The following CEP112 variants were observed in gnomAD, a reference collection of about 807,000 sequenced individuals.
CEP112 encodes centrosomal protein of 112 kDa.
A neutral mutation model predicts 153.0 loss-of-function variants in CEP112; 127 were observed. The observed-to-expected ratio is 0.83, with a 90% CI of 0.72 to 0.96. CEP112 has a LOEUF of 0.96. CEP112 is among the 40% of genes least tolerant of loss of function. The pLI is 0.00. For synonymous variants in CEP112, 358 were observed against 374.4 expected (o/e 0.96, Z 0.51); for missense variants, 1,089 against 1,101.2 (o/e 0.99, Z 0.16).
intron 16 of CEP112, among the ~76,000 whole-genome samples, chr17:66,010,287 A>G (rs1399962720): frequency 6.6e-6 from 1 of 152,114 alleles, no homozygotes; most frequent in Non-Finnish European, 1.5e-5. Context: ...TAAGAATGCT[A>G]GTGATTTTTG....
chr17:65,885,106 C>A (rs984681475), intron 20 of CEP112, among the ~76,000 whole-genome samples: 3 of 152,086 alleles, frequency 2.0e-5, no homozygotes, highest in African/African-American at 7.2e-5. Flanking sequence ...TGGTACCTAA[C>A]CTCCCAAGTA....
At chr17:66,088,263 A>G (rs1284863227) in intron 8 of CEP112, among the ~76,000 whole-genome samples, 3 of 151,804 alleles carry the variant, frequency 2.0e-5, no homozygotes, top group Non-Finnish European at 4.4e-5. Context: ...AATTTGGCAC[A>G]ATGCAAGATC....
intron 12 of CEP112, among the ~76,000 whole-genome samples, chr17:66,041,872 C>G (rs533535646): frequency 1.3e-5 from 2 of 152,172 alleles, no homozygotes; most frequent in East Asian, 3.9e-4. Context: ...TATAGATACC[C>G]CACCCTCAAG....
intron 19 of CEP112, among the ~76,000 whole-genome samples, chr17:65,914,858 C>G (rs2060416218): frequency 1.3e-5 from 2 of 152,212 alleles, no homozygotes; most frequent in Non-Finnish European, 2.9e-5. Flanking sequence ...CGGCTGCTCA[C>G]AACGCATTGT....
intron 24 of CEP112, among the ~76,000 whole-genome samples, chr17:65,660,343 T>TCC: frequency 1.1e-5 from 1 of 94,586 alleles, no homozygotes; most frequent in African/African-American, 5.1e-5. Flanking sequence ...TCTTTCTTTT[T>TCC]CTCTCTCGTT....
At chr17:66,027,593 T>G in intron 15 of CEP112, 33 bp from the exon 16 acceptor site, 1 of 1,189,898 alleles carries the variant, frequency 8.4e-7, no homozygotes, top group Non-Finnish European at 1.1e-6. Context: ...TTTATTATAC[T>G]TTAAATTATA....
At chr17:66,122,474 T>G (rs1176504197) in intron 6 of CEP112, among the ~76,000 whole-genome samples, 1 of 152,196 alleles carries the variant, frequency 6.6e-6, no homozygotes, top group East Asian at 1.9e-4. Flanking sequence ...TTTATTTGAT[T>G]AGTGGCTTGG....
intron 24 of CEP112, among the ~76,000 whole-genome samples, chr17:65,683,226 G>T (rs2047615599): frequency 6.6e-6 from 1 of 152,208 alleles, no homozygotes; most frequent in African/African-American, 2.4e-5. Context: ...GGTCACTAGT[G>T]TCTCTCCTAA....
intron 23 of CEP112, among the ~76,000 whole-genome samples, chr17:65,724,612 G>C (rs2050074717): frequency 6.6e-6 from 1 of 151,944 alleles, no homozygotes; most frequent in African/African-American, 2.4e-5. Context: ...TCTTTTTCTA[G>C]AAATGTTTAC....
chr17:65,836,545 A>G (rs1462473625), intron 21 of CEP112, among the ~76,000 whole-genome samples: 1 of 152,206 alleles, frequency 6.6e-6, no homozygotes, highest in South Asian at 2.1e-4. Flanking sequence ...GAGACAAAGA[A>G]TGTTATATAA....
At chr17:65,854,806 T>C (rs1445363887) in intron 20 of CEP112, among the ~76,000 whole-genome samples, 1 of 152,256 alleles carries the variant, frequency 6.6e-6, no homozygotes, top group Non-Finnish European at 1.5e-5. Flanking sequence ...AACAGTCTTT[T>C]ACCTTTTGTT....
At chr17:65,814,854 G>A (rs1320678595) in intron 21 of CEP112, among the ~76,000 whole-genome samples, 1 of 152,120 alleles carries the variant, frequency 6.6e-6, no homozygotes, top group African/African-American at 2.4e-5. Context: ...CTGTGGTGAA[G>A]AGCCTATTAA....
At chr17:66,055,458 T>C (rs1446349541) in intron 11 of CEP112, among the ~76,000 whole-genome samples, 2 of 152,216 alleles carry the variant, frequency 1.3e-5, no homozygotes, top group African/African-American at 4.8e-5. Context: ...GCTGGTACAA[T>C]GCACCCAAAT....
chr17:65,734,734 C>T (rs2050701239), intron 23 of CEP112, among the ~76,000 whole-genome samples: 1 of 152,132 alleles, frequency 6.6e-6, no homozygotes, highest in Non-Finnish European at 1.5e-5. Flanking sequence ...AATCTAGTCT[C>T]ACACAGATAA....
chr17:65,823,890 G>A (rs995653976), intron 21 of CEP112, among the ~76,000 whole-genome samples: 5 of 152,114 alleles, frequency 3.3e-5, no homozygotes, highest in Admixed American at 6.5e-5. Flanking sequence ...AGTCATTAGG[G>A]AAATGCATGA....
intron 8 of CEP112, among the ~76,000 whole-genome samples, chr17:66,085,005 C>T (rs1036540669): frequency 1.3e-5 from 2 of 152,076 alleles, no homozygotes; most frequent in African/African-American, 4.8e-5. Context: ...ACCTTCTCTA[C>T]ACTAAAAAGT....
At chr17:65,836,503 A>T (rs12947336) in intron 21 of CEP112, among the ~76,000 whole-genome samples, 6,213 of 152,310 alleles carry the variant, frequency 0.041, 196 homozygotes, top group Middle Eastern at 0.071. Flanking sequence ...CACTTATATT[A>T]GTTTATGTTG....
At chr17:66,018,305 T>A (rs186352127) in intron 16 of CEP112, among the ~76,000 whole-genome samples, 40 of 152,322 alleles carry the variant, frequency 2.6e-4, no homozygotes, top group Admixed American at 9.2e-4. Flanking sequence ...TCACTGAATA[T>A]ATTTTTTTTG....
intron 17 of CEP112, among the ~76,000 whole-genome samples, chr17:66,002,420 G>A (rs1235764950): frequency 6.6e-6 from 1 of 152,102 alleles, no homozygotes; most frequent in Admixed American, 6.5e-5. Context: ...GAAGTCATTA[G>A]GAGAAAAGGA....
Sources: gnomAD v4.1 joint callset for allele counts (sites outside exome capture counted in the v4.1 genomes callset) on GRCh38, gnomAD v4.1.1 for gene constraint, MANE v1.5 for transcripts, NCBI Gene and HGNC (gene_info 2026-07-23, HGNC 2026-07-21) for gene names.